Variants in JADE3 observed in about 807,000 individuals in gnomAD.
The protein encoded by JADE3 is jade family PHD finger 3, also known as protein Jade-3.
A neutral mutation model predicts 50.1 loss-of-function variants in JADE3; 2 were observed. The ratio of observed to expected loss-of-function variants is 0.04; its 90% confidence interval spans 0.02 to 0.13. JADE3 has a LOEUF of 0.13. Among genes scored for constraint, JADE3 ranks in the 10% least tolerant of loss-of-function variants. JADE3 has a pLI of 1.00. For missense variants in JADE3, 475 were observed against 634.4 expected (o/e 0.75, Z 2.70); for synonymous variants, 218 against 232.9 (o/e 0.94, Z 0.58).
At chrX:47,017,654 G>A (rs909502719) in intron 4 of JADE3, among the ~76,000 whole-genome samples, 4 of 111,427 alleles carry the variant, frequency 3.6e-5, no homozygotes, top group African/African-American at 1.3e-4. Flanking sequence ...TATATAAATG[G>A]GATTGTTCTA....
At chrX:47,012,449 C>T (rs782088549) in intron 4 of JADE3, among the ~76,000 whole-genome samples, 19 of 110,514 alleles carry the variant, frequency 1.7e-4, no homozygotes, top group Non-Finnish European at 3.2e-4. Context: ...GCCATGGTGG[C>T]GCATACCTAT....
In JADE3 at chrX:47,043,178, T is replaced by C. The variant is rs1015044883; in HGVS notation, c.972+4113T>C. Among the ~76,000 whole-genome samples the C allele has an allele frequency of 1.5e-4, 17 of 111,962 alleles. 1 individual carries two copies. Among genetic ancestry groups the C allele is most frequent in the Non-Finnish European group, 2.4e-4 (13 of 53,184 alleles). On this transcript the variant is annotated intron_variant, in intron 8 of 10. Coordinates refer to ENST00000614628, the MANE Select transcript of JADE3 (RefSeq NM_014735.5). The stretch of plus-strand genomic sequence containing the variant: ...GTGCCTCCTAAAGCAGATATGGCCG[T>C]AGTGACCAAAGACTTAGATCACAAC...
chrX:47,003,607 A>C (rs1416443365), intron 4 of JADE3, among the ~76,000 whole-genome samples: 1 of 102,073 alleles, frequency 9.8e-6, no homozygotes, highest in East Asian at 2.9e-4. Flanking sequence ...TATATAATTA[A>C]TGTATATATA....
At chrX:46,949,375 T>A (rs782724621) in intron 1 of JADE3, among the ~76,000 whole-genome samples, 1 of 111,694 alleles carries the variant, frequency 9.0e-6, no homozygotes, top group South Asian at 3.7e-4. Flanking sequence ...TAATTAGGAG[T>A]AAAGTAGCTG....
intron 1 of JADE3, among the ~76,000 whole-genome samples, chrX:46,929,906 GT>G (rs377177572): frequency 2.7e-4 from 30 of 111,906 alleles, no homozygotes; most frequent in Admixed American, 9.5e-5. Flanking sequence ...CACTACAGTG[GT>G]TTCTTCCACC....
intron 1 of JADE3, among the ~76,000 whole-genome samples, chrX:46,957,397 T>C (rs1382287496): frequency 1.8e-5 from 2 of 112,802 alleles, no homozygotes; most frequent in Non-Finnish European, 3.7e-5. Flanking sequence ...GCATAGTATG[T>C]ATTATTATAT....
intron 1 of JADE3, among the ~76,000 whole-genome samples, chrX:46,957,936 T>C (rs1472505107): frequency 1.8e-5 from 2 of 112,284 alleles, no homozygotes; most frequent in Admixed American, 9.4e-5. Flanking sequence ...TCTCCAGATA[T>C]ATGTTTAGAA....
chrX:47,015,812 C>T (rs1409984166), intron 4 of JADE3, among the ~76,000 whole-genome samples: 2 of 103,513 alleles, frequency 1.9e-5, no homozygotes, highest in Admixed American at 2.1e-4. Context: ...CTCGATCTCC[C>T]AGGCTCAAGA....
chrX:46,962,991 G>A (rs1480295534), intron 1 of JADE3, among the ~76,000 whole-genome samples: 6 of 110,445 alleles, frequency 5.4e-5, no homozygotes, highest in Admixed American at 3.8e-4. Flanking sequence ...CGTGCCTGCC[G>A]CCACGCCCAG....
At chrX:47,014,870 A>T (rs190040377) in intron 4 of JADE3, among the ~76,000 whole-genome samples, 36 of 112,366 alleles carry the variant, frequency 3.2e-4, no homozygotes, top group African/African-American at 1.1e-3. Flanking sequence ...TTCTCTTCCA[A>T]TGTAATTGCC....
At chrX:46,985,838 G>GACAAGCATCCAAA in intron 3 of JADE3, 46 bp downstream of exon 3, 4 of 891,496 alleles carry the variant, frequency 4.5e-6, no homozygotes, top group Non-Finnish European at 6.6e-6. Context: ...TAGTTTGGAT[G>GACAAGCATCCAAA]CTTGTCTTCC....
intron 6 of JADE3, among the ~76,000 whole-genome samples, chrX:47,031,433 G>A (rs2146978794): frequency 9.0e-6 from 1 of 111,376 alleles, no homozygotes; most frequent in South Asian, 3.8e-4. Flanking sequence ...AGCATAGGGG[G>A]CATTCCAGGT....
intron 3 of JADE3, among the ~76,000 whole-genome samples, chrX:46,997,712 G>C (rs1345631715): frequency 8.9e-6 from 1 of 111,990 alleles, no homozygotes; most frequent in Admixed American, 9.5e-5. Flanking sequence ...TTTACTATTT[G>C]ATAACTTTTC....
At chrX:46,950,430 T>G (rs937392862) in intron 1 of JADE3, among the ~76,000 whole-genome samples, 1 of 112,443 alleles carries the variant, frequency 8.9e-6, no homozygotes, top group African/African-American at 3.2e-5. Flanking sequence ...AGTATAATGT[T>G]TTGGGGGTTT....
chrX:46,922,639 A>G (rs1226544120), intron 1 of JADE3, among the ~76,000 whole-genome samples: 8 of 106,494 alleles, frequency 7.5e-5, no homozygotes, highest in Non-Finnish European at 1.3e-4. Flanking sequence ...TGTTCAGCCC[A>G]TTGTTTTTCT....
intron 3 of JADE3, among the ~76,000 whole-genome samples, chrX:46,995,661 A>G (rs1556357232): frequency 8.9e-6 from 1 of 112,028 alleles, no homozygotes; most frequent in African/African-American, 3.2e-5. Flanking sequence ...TCTTATCAAA[A>G]GCGGGTTAAT....
At chrX:47,013,686 G>C (rs1928611369) in intron 4 of JADE3, among the ~76,000 whole-genome samples, 1 of 111,563 alleles carries the variant, frequency 9.0e-6, no homozygotes, top group South Asian at 3.7e-4. Context: ...AAGTCAGAAG[G>C]AGGCAAAACA....
At chrX:47,047,300 A>G (rs1272773574) in intron 8 of JADE3, among the ~76,000 whole-genome samples, 1 of 112,138 alleles carries the variant, frequency 8.9e-6, no homozygotes, top group Non-Finnish European at 1.9e-5. Flanking sequence ...TAATCCCAGC[A>G]CTTCGGGAGG....
chrX:46,963,846 C>T (rs938333126), intron 1 of JADE3, among the ~76,000 whole-genome samples: 2 of 111,776 alleles, frequency 1.8e-5, no homozygotes, highest in African/African-American at 6.5e-5. Flanking sequence ...ATACTGTACT[C>T]GATTGCCCTA....
Sources: allele counts gnomAD v4.1 joint callset (sites outside exome capture counted in the v4.1 genomes callset), GRCh38; gene constraint gnomAD v4.1.1; transcripts MANE v1.5; gene names NCBI Gene and HGNC (gene_info 2026-07-23, HGNC 2026-07-21).